The following MGMT variants were observed in gnomAD, a reference collection of about 807,000 sequenced individuals.
MGMT encodes methylated-DNA--protein-cysteine methyltransferase.
MGMT carries 14 observed loss-of-function variants against 15.9 expected under a neutral mutation model. That is an observed-to-expected ratio of 0.88 (90% CI 0.58 to 1.37). MGMT has a LOEUF of 1.37. Ranked by LOEUF, MGMT falls within the 40% of genes most tolerant of loss-of-function variation. The pLI is 0.00. For synonymous variants in MGMT, 130 were observed against 118.2 expected (o/e 1.10, Z -0.65); for missense variants, 282 against 268.1 (o/e 1.05, Z -0.36).
At chr10:129,681,838 A>G (rs2133120806) in intron 2 of MGMT, among the ~76,000 whole-genome samples, 1 of 152,312 alleles carries the variant, frequency 6.6e-6, no homozygotes, top group South Asian at 2.1e-4. Context: ...CAAATCCCAT[A>G]TCTGACAGAG....
intron 2 of MGMT, chr10:129,701,179 G>A (rs1250171971): frequency 6.6e-6 from 1 of 152,232 alleles, no homozygotes; most frequent in African/African-American, 2.4e-5. Flanking sequence ...TTGCGTCCAA[G>A]CTCGGCACCT....
intron 2 of MGMT, among the ~76,000 whole-genome samples, chr10:129,574,592 G>A (rs1415023704): frequency 2.0e-5 from 3 of 152,138 alleles, no homozygotes; most frequent in African/African-American, 7.2e-5. Flanking sequence ...TTTGTAGACA[G>A]ACCTGGGTTC....
rs1484668437 is a variant in MGMT at position 129,767,845 on chromosome 10, G to A, written c.*848G>A. 6.6e-6 allele frequency: 1 copy of A among 152,246 alleles called. No homozygotes were observed. The highest frequency in any genetic ancestry group is 1.5e-5 in the Non-Finnish European group (1 of 68,082). 9.4% of individuals were successfully genotyped at this position (152,246 alleles called of 1,614,324 possible). A position where few individuals can be genotyped will look rare whatever the true frequency, so the allele number is the denominator to read the frequency against. Reference sequence around the variant, plus strand: ...CCAGTGTCGATCCTGGAAGTCAAAGGTCACGACTGTGGGGGGCCAGCTCAT... The same window carrying A: ...CCAGTGTCGATCCTGGAAGTCAAAGATCACGACTGTGGGGGGCCAGCTCAT... On this transcript the variant is annotated 3_prime_UTR_variant, in exon 5 of 5. Coordinates refer to ENST00000651593, the MANE Select transcript of MGMT (RefSeq NM_002412.5).
intron 2 of MGMT, among the ~76,000 whole-genome samples, chr10:129,621,665 G>T (rs1010548092): frequency 6.6e-6 from 1 of 152,176 alleles, no homozygotes; most frequent in Non-Finnish European, 1.5e-5. Context: ...TTGAATTTGG[G>T]ATCTCTTTGG....
chr10:129,579,880 C>T (rs957188748), intron 2 of MGMT, among the ~76,000 whole-genome samples: 1 of 152,128 alleles, frequency 6.6e-6, no homozygotes. Flanking sequence ...TTCTGCATAG[C>T]GAGGCTGTCA....
At chr10:129,753,298 T>C (rs1848769594) in intron 3 of MGMT, among the ~76,000 whole-genome samples, 1 of 152,200 alleles carries the variant, frequency 6.6e-6, no homozygotes, top group Admixed American at 6.5e-5. Flanking sequence ...TATCTGGGAA[T>C]GGATTTCTTT....
At chr10:129,636,578 G>A (rs1487714106) in intron 2 of MGMT, among the ~76,000 whole-genome samples, 7 of 152,158 alleles carry the variant, frequency 4.6e-5, no homozygotes, top group East Asian at 1.9e-4. Flanking sequence ...AATAGAAGTC[G>A]TGATAATGGG....
At chr10:129,624,115 C>T (rs1012553472) in intron 2 of MGMT, among the ~76,000 whole-genome samples, 1 of 152,264 alleles carries the variant, frequency 6.6e-6, no homozygotes, top group Non-Finnish European at 1.5e-5. Context: ...TCTTCTTGCC[C>T]ATCAGTTCCT....
intron 1 of MGMT, among the ~76,000 whole-genome samples, chr10:129,475,372 G>A (rs539020238): frequency 2.0e-5 from 3 of 152,242 alleles, no homozygotes; most frequent in South Asian, 2.1e-4. Context: ...GAGAAAGTGC[G>A]TGCCACCCTC....
Position 129,761,350 on chromosome 10 carries a change from G to C in MGMT, c.414+2009G>C, listed in dbSNP as rs537347595. Among the ~76,000 whole-genome samples, 6 of 152,316 alleles carry C rather than the reference G, an allele frequency of 3.9e-5. No individual in the cohort carries two copies. In the East Asian group the frequency reaches 9.7e-4, roughly 25 times the overall value. On this transcript the variant is annotated intron_variant, in intron 4 of 4. Coordinates refer to ENST00000651593, the MANE Select transcript of MGMT (RefSeq NM_002412.5). Reference sequence around the variant, plus strand: ...GTGGCCCCGTCAGCGGGCGCCGACTGCTCGCTCCCTTGTGTGTGCAGCTCC... The same window carrying C: ...GTGGCCCCGTCAGCGGGCGCCGACTCCTCGCTCCCTTGTGTGTGCAGCTCC...
intron 2 of MGMT, among the ~76,000 whole-genome samples, chr10:129,601,973 T>G (rs1846827660): frequency 2.0e-5 from 3 of 152,166 alleles, no homozygotes; most frequent in Admixed American, 2.0e-4. Context: ...CCCCCTAGAC[T>G]AACAATTAAT....
chr10:129,593,675 A>G (rs533338875), intron 2 of MGMT, among the ~76,000 whole-genome samples: 2 of 152,328 alleles, frequency 1.3e-5, no homozygotes, highest in African/African-American at 4.8e-5. Flanking sequence ...GTAAGTCTCA[A>G]TCATCCAGGC....
chr10:129,715,747 G>C (rs559193517), intron 3 of MGMT: 9 of 152,336 alleles, frequency 5.9e-5, no homozygotes, highest in Non-Finnish European at 1.2e-4. Context: ...GTAAATATTA[G>C]TATAAAATTA....
chr10:129,537,146 AAG>A (rs2119761353), intron 2 of MGMT: 1 of 80,224 alleles, frequency 1.2e-5, no homozygotes, highest in South Asian at 3.0e-4. Flanking sequence ...CTGACCAAAG[AAG>A]AAGAAGAAAA....
intron 2 of MGMT, among the ~76,000 whole-genome samples, chr10:129,688,020 C>T (rs1847928599): frequency 6.6e-6 from 1 of 152,170 alleles, no homozygotes; most frequent in South Asian, 2.1e-4. Flanking sequence ...CTATAAAAGA[C>T]ATGAACTCAT....
chr10:129,693,356 C>T (rs570376629), intron 2 of MGMT, among the ~76,000 whole-genome samples: 1 of 152,318 alleles, frequency 6.6e-6, no homozygotes, highest in Admixed American at 6.5e-5. Flanking sequence ...AAGAAGTCCC[C>T]TTTTTCAAGT....
At chr10:129,489,040 T>A (rs1355669047) in intron 1 of MGMT, among the ~76,000 whole-genome samples, 1 of 152,186 alleles carries the variant, frequency 6.6e-6, no homozygotes, top group African/African-American at 2.4e-5. Flanking sequence ...AATGCATTAA[T>A]TACTATAGCT....
At chr10:129,638,448 A>AAAAAAAAAAAAAAG (rs1564744665) in intron 2 of MGMT, among the ~76,000 whole-genome samples, 1 of 148,592 alleles carries the variant, frequency 6.7e-6, no homozygotes, top group African/African-American at 2.5e-5. Context: ...AAAAAAAAGA[A>AAAAAAAAAAAAAAG]AAAAAAAAGA....
At chr10:129,561,196 C>T (rs1446607617) in intron 2 of MGMT, among the ~76,000 whole-genome samples, 1 of 152,160 alleles carries the variant, frequency 6.6e-6, no homozygotes, top group Non-Finnish European at 1.5e-5. Flanking sequence ...TCTAACTTTC[C>T]TTACTATATT....
Sources: gnomAD v4.1 joint callset for allele counts (sites outside exome capture counted in the v4.1 genomes callset) on GRCh38, gnomAD v4.1.1 for gene constraint, MANE v1.5 for transcripts, NCBI Gene and HGNC (gene_info 2026-07-23, HGNC 2026-07-21) for gene names.